The following MIGA1 variants were observed in gnomAD, a reference collection of about 807,000 sequenced individuals.
MIGA1 encodes the protein family with sequence similarity 73, member A.
In MIGA1, 58 loss-of-function variants were observed where a neutral mutation model predicts 82.0. The ratio of observed to expected loss-of-function variants is 0.71; its 90% confidence interval spans 0.57 to 0.88. The LOEUF (loss-of-function observed/expected upper bound fraction) is 0.88, where lower values mean the gene tolerates loss of function less well. Ranked by LOEUF, MIGA1 falls within the 40% of genes least tolerant of loss-of-function variation. MIGA1 has a pLI of 0.00. For missense variants in MIGA1, 751 were observed against 749.1 expected (o/e 1.00, Z -0.03); for synonymous variants, 249 against 253.6 (o/e 0.98, Z 0.17).
intron 12 of MIGA1, chr1:77,861,915 C>CG (rs1274476185): frequency 1.3e-5 from 2 of 151,122 alleles, no homozygotes. Flanking sequence ...CTGAGGCGGG[C>CG]GGATCACCTG....
rs745516145 is a variant in MIGA1 at position 77,863,965 on chromosome 1, C to G, written c.1446C>G (p.Asn482Lys). The stretch of plus-strand genomic sequence containing the variant: ...TGGACTCCTTTGAAGATTTGGAAAA[C>G]CCACCCACATCCATACAGAATGTAG... The change falls in exon 13 of 16, where the codon AAC becomes AAG. Residue 482 changes from asparagine to lysine, a missense_variant. By Grantham distance (94) the Asn-to-Lys change is moderately conservative. Around this residue, in one of 3 missense-constraint regions of MIGA1, gnomAD observed 265 missense variants for 293.6 expected, o/e 0.90. Coordinates refer to ENST00000370791, the MANE Select transcript of MIGA1 (RefSeq NM_198549.4). 3 of 1,606,216 alleles carry G rather than the reference C, an allele frequency of 1.9e-6. No individual in the cohort carries two copies. The highest frequency in any genetic ancestry group is 2.5e-6 in the Non-Finnish European group (3 of 1,177,950).
At chr1:77,864,229 G>A (rs532711818) in intron 13 of MIGA1, among the ~76,000 whole-genome samples, 11 of 151,580 alleles carry the variant, frequency 7.3e-5, no homozygotes, top group African/African-American at 2.7e-4. Context: ...AATTAGCTGG[G>A]CATGGTAGCG....
At chr1:77,839,633 A>G (rs1191031358) in intron 7 of MIGA1, among the ~76,000 whole-genome samples, 1 of 152,104 alleles carries the variant, frequency 6.6e-6, no homozygotes, top group Non-Finnish European at 1.5e-5. Context: ...TCAGCCTCCC[A>G]AAGTGTTGAG....
At chr1:77,849,766 G>A (rs2101907013) in intron 8 of MIGA1, among the ~76,000 whole-genome samples, 1 of 152,226 alleles carries the variant, frequency 6.6e-6, no homozygotes, top group Admixed American at 6.5e-5. Context: ...GGCCGTCCGT[G>A]GTGCTCACGC....
intron 2 of MIGA1, among the ~76,000 whole-genome samples, chr1:77,784,790 A>C (rs987169252): frequency 6.6e-6 from 1 of 152,222 alleles, no homozygotes; most frequent in African/African-American, 2.4e-5. Context: ...ACAGTTCCAC[A>C]TGGCTGGGGA....
chr1:77,837,283 T>G (rs955508072), intron 7 of MIGA1, among the ~76,000 whole-genome samples: 1 of 152,230 alleles, frequency 6.6e-6, no homozygotes, highest in Non-Finnish European at 1.5e-5. Flanking sequence ...TGTTGCTAAG[T>G]CTTCAGAATC....
chr1:77,869,369 G>A (rs910606915), intron 14 of MIGA1, among the ~76,000 whole-genome samples: 1 of 148,870 alleles, frequency 6.7e-6, no homozygotes, highest in African/African-American at 2.5e-5. Flanking sequence ...GCAACCATCC[G>A]ATTTCTCAAT....
intron 8 of MIGA1, among the ~76,000 whole-genome samples, chr1:77,852,442 C>T (rs1034549696): frequency 5.3e-5 from 8 of 152,062 alleles, no homozygotes; most frequent in Non-Finnish European, 1.0e-4. Context: ...CTGTGAGATA[C>T]TGTCATCTCT....
chr1:77,817,954 G>GT, intron 7 of MIGA1, among the ~76,000 whole-genome samples: 1 of 121,772 alleles, frequency 8.2e-6, no homozygotes, highest in African/African-American at 3.1e-5. Context: ...AAGATTGGAA[G>GT]ATTTTTTTTT....
chr1:77,818,037 C>A (rs1468290161), intron 7 of MIGA1, among the ~76,000 whole-genome samples: 4 of 148,684 alleles, frequency 2.7e-5, no homozygotes, highest in African/African-American at 9.9e-5. Flanking sequence ...CTTACTACAG[C>A]CTCTGCCTCC....
chr1:77,870,445 A>G (rs1685918948), intron 14 of MIGA1, among the ~76,000 whole-genome samples: 1 of 100,818 alleles, frequency 9.9e-6, no homozygotes, highest in Non-Finnish European at 2.1e-5. Context: ...CATCCCAGAC[A>G]GGGCGGCGGG....
intron 7 of MIGA1, among the ~76,000 whole-genome samples, chr1:77,821,023 A>G (rs1176217906): frequency 2.0e-5 from 3 of 152,164 alleles, no homozygotes; most frequent in Non-Finnish European, 4.4e-5. Context: ...AATCCCAGCT[A>G]CTTGGGAGGC....
chr1:77,834,290 C>T (rs1684348212), intron 7 of MIGA1, among the ~76,000 whole-genome samples: 1 of 152,196 alleles, frequency 6.6e-6, no homozygotes, highest in African/African-American at 2.4e-5. Context: ...ATCCTCCTGC[C>T]TCAGTCTCCT....
chr1:77,845,711 T>G (rs1413765336), intron 8 of MIGA1, among the ~76,000 whole-genome samples: 1 of 152,186 alleles, frequency 6.6e-6, no homozygotes, highest in Non-Finnish European at 1.5e-5. Context: ...GGGAAAATTG[T>G]TTTAATGAAG....
At chr1:77,811,297 G>C in intron 5 of MIGA1, 1 of 1,600,398 alleles carries the variant, frequency 6.2e-7, no homozygotes, top group Non-Finnish European at 8.6e-7. Flanking sequence ...TCCTGGTTCC[G>C]ATGGCAACCT....
chr1:77,823,928 C>T (rs1410051672), intron 7 of MIGA1, among the ~76,000 whole-genome samples: 1 of 152,152 alleles, frequency 6.6e-6, no homozygotes, highest in Non-Finnish European at 1.5e-5. Context: ...TGTGAATAGC[C>T]TATAAACCAT....
At chr1:77,863,743 G>A in intron 12 of MIGA1, 151 bp from the exon 13 acceptor site, 1 of 554,892 alleles carries the variant, frequency 1.8e-6, no homozygotes, top group Non-Finnish European at 3.0e-6. Flanking sequence ...CTAGTGGCGA[G>A]CTTTCATATT....
At chr1:77,843,495 C>T in intron 8 of MIGA1, 88 bp downstream of exon 8, 4 of 1,023,716 alleles carry the variant, frequency 3.9e-6, no homozygotes, top group Non-Finnish European at 6.0e-6. Flanking sequence ...TCAGTTTGGT[C>T]ACTATTTATT....
intron 14 of MIGA1, among the ~76,000 whole-genome samples, chr1:77,869,967 A>C (rs1267328186): frequency 1.7e-4 from 16 of 92,682 alleles, no homozygotes; most frequent in African/African-American, 2.6e-4. Context: ...CGGGGGGCTG[A>C]CCCCCCCACC....
Sources: allele counts gnomAD v4.1 joint callset (sites outside exome capture counted in the v4.1 genomes callset), GRCh38; gene constraint gnomAD v4.1.1; regional missense constraint gnomAD v4.1.1; transcripts MANE v1.5; gene names NCBI Gene and HGNC (gene_info 2026-07-23, HGNC 2026-07-21).